Variants in TNIK observed in about 807,000 individuals in gnomAD.
TNIK encodes TRAF2 and NCK interacting kinase, also known as TRAF2 and NCK-interacting protein kinase.
TNIK carries 49 observed loss-of-function variants against 191.3 expected under a neutral mutation model. The ratio of observed to expected loss-of-function variants is 0.26; its 90% CI spans 0.20 to 0.32. The LOEUF is 0.32. Among genes scored for constraint, TNIK ranks in the 10% least tolerant of loss-of-function variants. TNIK has a pLI of 1.00. For synonymous variants in TNIK, 594 were observed against 600.9 expected, an observed-to-expected ratio of 0.99 and a Z score of 0.17; for missense variants, 1,155 against 1,702.3, an observed-to-expected ratio of 0.68 and a Z score of 5.66.
intron 2 of TNIK, among the ~76,000 whole-genome samples, chr3:171,289,579 AT>A (rs1751445575): frequency 6.6e-6 from 1 of 152,166 alleles, no homozygotes; most frequent in Non-Finnish European, 1.5e-5. Context: ...AAACCACTAA[AT>A]TTTTAGAATA....
intron 1 of TNIK, among the ~76,000 whole-genome samples, chr3:171,450,229 C>T (rs1241664516): frequency 6.6e-6 from 1 of 152,216 alleles, no homozygotes; most frequent in African/African-American, 2.4e-5. Flanking sequence ...TTATTTTCAA[C>T]ATCTGAAGCA....
In TNIK at chr3:171,068,898, C is replaced by A; in HGVS notation, c.3649G>T (p.Val1217Leu). Reference protein sequence around the residue: ...VIFGSHTGFHVIDVDSGNSYD... With the variant: ...VIFGSHTGFHLIDVDSGNSYD... ...GAGTTTCCTGAATCAACATCAATTA[C>A]ATGGAAACCAGTGTGTGAACCAAAA... The change falls in exon 30 of 33, where the codon GTA becomes TTA. Residue 1217 changes from valine to leucine, a missense_variant. Physicochemically the swap from Val to Leu is conservative, Grantham distance 32 (BLOSUM62 1). This residue lies in a region of TNIK where 195 missense variants were observed against 415.4 expected (regional missense o/e 0.47). Coordinates refer to ENST00000436636, the MANE Select transcript of TNIK (RefSeq NM_015028.4). 6.2e-7 allele frequency: 1 copy of A among 1,613,802 alleles called. No individual in the cohort carries two copies. Among genetic ancestry groups the A allele is most frequent in the Non-Finnish European group, 8.5e-7 (1 of 1,179,804 alleles).
chr3:171,459,913 T>TC, intron 1 of TNIK, 94 bp downstream of exon 1: 11 of 1,311,212 alleles, frequency 8.4e-6, no homozygotes, highest in South Asian at 1.3e-5. Context: ...CCCGCTGCTG[T>TC]CCCCCTGCCC....
At chr3:171,329,000 G>A (rs187567251) in intron 2 of TNIK, among the ~76,000 whole-genome samples, 172 of 152,246 alleles carry the variant, frequency 1.1e-3, no homozygotes, top group African/African-American at 3.9e-3. Flanking sequence ...ATGTCTGAGA[G>A]ACCTGCTCCT....
At chr3:171,221,253 G>A (rs76572085) in intron 3 of TNIK, among the ~76,000 whole-genome samples, 2,397 of 152,250 alleles carry the variant, frequency 0.016, 20 homozygotes, top group South Asian at 0.032. Flanking sequence ...CTACATAAAT[G>A]GCTCCAAAGT....
chr3:171,418,452 A>C (rs549676944), intron 1 of TNIK, among the ~76,000 whole-genome samples: 83 of 152,352 alleles, frequency 5.4e-4, no homozygotes, highest in Middle Eastern at 3.4e-3. Context: ...AATGTCCATC[A>C]ACTGATGAAT....
At chr3:171,109,828 AC>A (rs1394594116) in intron 19 of TNIK, among the ~76,000 whole-genome samples, 1 of 152,178 alleles carries the variant, frequency 6.6e-6, no homozygotes, top group Non-Finnish European at 1.5e-5. Context: ...ATTACTGGAA[AC>A]TAAACAATGA....
At chr3:171,175,205 A>G (rs1229057518) in intron 9 of TNIK, 47 bp downstream of exon 9, 1 of 1,567,624 alleles carries the variant, frequency 6.4e-7, no homozygotes, top group Non-Finnish European at 8.7e-7. Context: ...TAGAATCACA[A>G]GAAAACCTCA....
At chr3:171,282,242 A>T (rs1750510720) in intron 2 of TNIK, among the ~76,000 whole-genome samples, 1 of 151,992 alleles carries the variant, frequency 6.6e-6, no homozygotes, top group African/African-American at 2.4e-5. Context: ...GCCAGCACAG[A>T]GTATTTATAG....
At chr3:171,064,685 G>A (rs1478676983) in intron 32 of TNIK, among the ~76,000 whole-genome samples, 2 of 152,100 alleles carry the variant, frequency 1.3e-5, no homozygotes, top group Admixed American at 1.3e-4. Context: ...GAAAAATTTG[G>A]GTTACTGCTT....
chr3:171,347,059 A>G (rs1441618684), intron 2 of TNIK: 1 of 1,378,550 alleles, frequency 7.3e-7, no homozygotes, highest in Non-Finnish European at 9.7e-7. Flanking sequence ...CTGTGCTAGG[A>G]CAGTGGTGGC....
intron 9 of TNIK, among the ~76,000 whole-genome samples, chr3:171,174,270 C>T (rs1396059963): frequency 6.6e-6 from 1 of 152,050 alleles, no homozygotes; most frequent in Non-Finnish European, 1.5e-5. Flanking sequence ...GGGTGGGAAA[C>T]ATGAGGACCC....
intron 1 of TNIK, among the ~76,000 whole-genome samples, chr3:171,448,923 C>A (rs548376632): frequency 1.5e-4 from 23 of 152,064 alleles, no homozygotes; most frequent in Non-Finnish European, 2.9e-4. Context: ...TACTGACAAG[C>A]CCCGGTGTGT....
intron 7 of TNIK, among the ~76,000 whole-genome samples, chr3:171,182,730 G>T (rs1225935093): frequency 1.3e-5 from 2 of 152,120 alleles, no homozygotes; most frequent in African/African-American, 2.4e-5. Context: ...TCTGGGGCTG[G>T]GCTGCTCAAC....
chr3:171,255,431 A>G (rs1746735742), intron 2 of TNIK, among the ~76,000 whole-genome samples: 1 of 152,186 alleles, frequency 6.6e-6, no homozygotes, highest in African/African-American at 2.4e-5. Flanking sequence ...AATCATTTTG[A>G]AAGTTTCCTG....
chr3:171,426,323 C>A (rs1577894834), intron 1 of TNIK, among the ~76,000 whole-genome samples: 1 of 147,590 alleles, frequency 6.8e-6, no homozygotes, highest in East Asian at 2.0e-4. Context: ...CCAAACACCG[C>A]ATGTTCTCAC....
At chr3:171,194,456 A>G (rs574662395) in intron 5 of TNIK, 69 bp downstream of exon 5, 19 of 1,365,490 alleles carry the variant, frequency 1.4e-5, no homozygotes, top group East Asian at 1.2e-4. Context: ...AAAAAATTCA[A>G]TCCCTCATAA....
intron 22 of TNIK, 32 bp downstream of exon 22, chr3:171,101,417 C>T (rs762681620): frequency 2.3e-5 from 36 of 1,562,598 alleles, no homozygotes; most frequent in Non-Finnish European, 2.9e-5. Context: ...CTAGTCCCCT[C>T]CCGGTCTACA....
chr3:171,116,937 A>G (rs1007185416), intron 18 of TNIK, among the ~76,000 whole-genome samples: 2 of 152,210 alleles, frequency 1.3e-5, no homozygotes, highest in African/African-American at 2.4e-5. Context: ...CAGTCTGAGC[A>G]ATTCCCAGCT....
Sources: allele counts gnomAD v4.1 joint callset (sites outside exome capture counted in the v4.1 genomes callset), GRCh38; gene constraint gnomAD v4.1.1; regional missense constraint gnomAD v4.1.1; transcripts MANE v1.5; gene names NCBI Gene and HGNC (gene_info 2026-07-23, HGNC 2026-07-21).